NECTIN3: variants seen among roughly 807,000 people sequenced by gnomAD.
NECTIN3 encodes nectin-3.
A neutral mutation model predicts 49.4 loss-of-function variants in NECTIN3; 8 were observed. That is an observed-to-expected ratio of 0.16 (90% CI 0.10 to 0.29). NECTIN3 has a LOEUF of 0.29. Ranked by LOEUF, NECTIN3 falls within the 10% of genes least tolerant of loss-of-function variation. The pLI, the probability that NECTIN3 is intolerant of heterozygous loss-of-function variation, is 1.00. For missense variants in NECTIN3, 581 were observed against 654.6 expected (o/e 0.89, Z 1.23); for synonymous variants, 277 against 241.1 (o/e 1.15, Z -1.38).
At chr3:111,185,313 C>T (rs371984523) in intron 7 of NECTIN3, among the ~76,000 whole-genome samples, 1 of 151,954 alleles carries the variant, frequency 6.6e-6, no homozygotes, top group African/African-American at 2.4e-5. Context: ...AACACATGTG[C>T]GTGTGTGTGT....
intron 1 of NECTIN3, among the ~76,000 whole-genome samples, chr3:111,110,481 T>A (rs977022354): frequency 2.0e-5 from 3 of 152,058 alleles, no homozygotes; most frequent in Non-Finnish European, 2.9e-5. Context: ...AGAATAGTCC[T>A]ACTTGGCTGT....
chr3:111,156,345 A>G lies in NECTIN3; in HGVS notation c.1221+8861A>G, dbSNP rs1050581180. ...AAAATTTTCATTTAGAAACATCTTAAGTTTGAAGACATGTTAGAATGAATT... is the reference window on the plus strand; with the variant it reads ...AAAATTTTCATTTAGAAACATCTTAGGTTTGAAGACATGTTAGAATGAATT... On this transcript the variant is annotated intron_variant, in intron 7 of 8. Coordinates refer to the NECTIN3 transcript ENST00000493615. Among the ~76,000 whole-genome samples, 6 of 151,282 alleles carry G rather than the reference A, an allele frequency of 4.0e-5. 1 individual carries two copies. Among genetic ancestry groups the G allele is most frequent in the African/African-American group, 1.5e-4 (6 of 40,636 alleles).
chr3:111,141,659 G>A (rs1350169207), downstream of NECTIN3, among the ~76,000 whole-genome samples: 1 of 151,742 alleles, frequency 6.6e-6, no homozygotes, highest in East Asian at 1.9e-4. Flanking sequence ...TTCTATTTTT[G>A]GAGGTAAGTT....
chr3:111,075,927 G>T (rs2031162412), intron 1 of NECTIN3, among the ~76,000 whole-genome samples: 1 of 151,998 alleles, frequency 6.6e-6, no homozygotes, highest in Admixed American at 6.6e-5. Context: ...GTTACTGATG[G>T]TATCAGTTGG....
downstream of NECTIN3, among the ~76,000 whole-genome samples, chr3:111,138,024 T>C (rs2034643193): frequency 6.6e-6 from 1 of 151,582 alleles, no homozygotes; most frequent in Non-Finnish European, 1.5e-5. Flanking sequence ...TAAAACCCAT[T>C]TTATATGTTT....
chr3:111,182,820 T>C (rs1473837506), intron 7 of NECTIN3, among the ~76,000 whole-genome samples: 2 of 152,106 alleles, frequency 1.3e-5, no homozygotes, highest in Non-Finnish European at 2.9e-5. Context: ...TGTTTATGTT[T>C]ATTGCCACTT....
Position 111,134,697 on chromosome 3 carries a change from T to C in NECTIN3, c.*482T>C. 1 of 859,158 alleles carries C rather than the reference T, an allele frequency of 1.2e-6. No homozygotes were observed. The highest frequency in any genetic ancestry group is 1.4e-6 in the Non-Finnish European group (1 of 715,236). 53.2% of individuals were successfully genotyped at this position (859,158 alleles called of 1,614,324 possible). A position where few individuals can be genotyped will look rare whatever the true frequency, so the allele number is the denominator to read the frequency against. On this transcript the variant is annotated 3_prime_UTR_variant, in exon 6 of 6. Coordinates refer to ENST00000485303, the MANE Select transcript of NECTIN3 (RefSeq NM_015480.3). ...TTCAAGAAATATTTATATATATTTTTTAATATACAAAAAATATTTAGCCTG... is the reference window on the plus strand; with the variant it reads ...TTCAAGAAATATTTATATATATTTTCTAATATACAAAAAATATTTAGCCTG...
At chr3:111,161,347 G>A (rs532581345) in intron 7 of NECTIN3, among the ~76,000 whole-genome samples, 86 of 152,208 alleles carry the variant, frequency 5.7e-4, no homozygotes, top group African/African-American at 2.0e-3. Context: ...TGCCATGGTT[G>A]GGCCTACAGA....
chr3:111,136,689 A>G lies in NECTIN3; in HGVS notation c.*2474A>G, dbSNP rs199730132. On this transcript the variant is annotated 3_prime_UTR_variant, in exon 6 of 6. Transcript: ENST00000485303. ...TCTACTATCGTGAAAAAAAATGAAT[A>G]TTTGTACTATTTTTGGCCATATTTA... The G allele has an allele frequency of 3.1e-5, 28 of 910,994 alleles. No individual in the cohort carries two copies. In the East Asian group the frequency reaches 7.1e-4, roughly 23 times the overall value. 56.4% of individuals were successfully genotyped at this position (910,994 alleles called of 1,614,324 possible). A position where few individuals can be genotyped will look rare whatever the true frequency, so the allele number is the denominator to read the frequency against.
intron 1 of NECTIN3, among the ~76,000 whole-genome samples, chr3:111,111,075 T>G (rs2033439984): frequency 6.6e-6 from 1 of 152,176 alleles, no homozygotes; most frequent in Admixed American, 6.5e-5. Flanking sequence ...TATTTTGGTT[T>G]ACTTCTTGGT....
At chr3:111,104,774 A>AT (rs58150219) in intron 1 of NECTIN3, among the ~76,000 whole-genome samples, 4 of 152,050 alleles carry the variant, frequency 2.6e-5, no homozygotes, top group Non-Finnish European at 5.9e-5. Context: ...GAAGAGCAGA[A>AT]TTTTTTTTAT....
At chr3:111,119,320 G>T (rs1220533078) in intron 3 of NECTIN3, among the ~76,000 whole-genome samples, 2 of 152,112 alleles carry the variant, frequency 1.3e-5, no homozygotes, top group African/African-American at 4.8e-5. Context: ...TTGTTTCCTT[G>T]TTGTTGGTGT....
intron 1 of NECTIN3, among the ~76,000 whole-genome samples, chr3:111,096,496 A>G (rs185165866): frequency 6.6e-6 from 1 of 152,342 alleles, no homozygotes; most frequent in African/African-American, 2.4e-5. Context: ...GCCAAATGTT[A>G]ATCATCAAGA....
At chr3:111,116,010 G>T (rs900178732) in intron 2 of NECTIN3, among the ~76,000 whole-genome samples, 3 of 152,132 alleles carry the variant, frequency 2.0e-5, no homozygotes, top group Non-Finnish European at 2.9e-5. Context: ...AGGATCTGTA[G>T]GTGGAAATAA....
intron 1 of NECTIN3, among the ~76,000 whole-genome samples, chr3:111,109,868 CAT>C (rs1244963021): frequency 1.3e-5 from 2 of 151,912 alleles, no homozygotes; most frequent in African/African-American, 4.8e-5. Context: ...GGAGAATTGA[CAT>C]GTAAATAAGT....
intron 7 of NECTIN3, among the ~76,000 whole-genome samples, chr3:111,159,793 C>T (rs72937946): frequency 0.065 from 9,854 of 152,198 alleles, 734 homozygotes; most frequent in East Asian, 0.24. Flanking sequence ...ATCTACCTTC[C>T]TTTCAACTTA....
chr3:111,161,910 T>C lies in NECTIN3; in HGVS notation c.1221+14426T>C, dbSNP rs925168605. On this transcript the variant is annotated intron_variant, in intron 7 of 8. Transcript: ENST00000493615. ...AGAATTTCACCTTCATTTAGTGTAG[T>C]CCACCTTTGGGCCTGGATTTCCGTC... 4.6e-5 allele frequency among the ~76,000 whole-genome samples: 7 copies of C among 152,296 alleles called. No homozygotes were observed. The South Asian group carries it at 1.5e-3, about 32-fold the overall frequency.
At chr3:111,116,595 T>C (rs1037873447) in intron 2 of NECTIN3, among the ~76,000 whole-genome samples, 2 of 152,046 alleles carry the variant, frequency 1.3e-5, no homozygotes, top group African/African-American at 4.8e-5. Context: ...ATTTAAGGAA[T>C]GTAGTATTTG....
In NECTIN3 at chr3:111,135,946, T is replaced by A; in HGVS notation, c.*1731T>A. On this transcript the variant is annotated 3_prime_UTR_variant, in exon 6 of 6. Coordinates refer to ENST00000485303, the MANE Select transcript of NECTIN3 (RefSeq NM_015480.3). ...AGATAAATAAAGTTCACTTATATCT[T>A]CTTACAAATGTCTGGGTTTTAATAT... The A allele has an allele frequency of 1.1e-6, 1 of 928,670 alleles. No homozygotes were observed. The highest frequency in any genetic ancestry group is 1.3e-6 in the Non-Finnish European group (1 of 778,836). 57.5% of individuals were successfully genotyped at this position (928,670 alleles called of 1,614,324 possible). A position where few individuals can be genotyped will look rare whatever the true frequency, so the allele number is the denominator to read the frequency against.
Sources: allele counts gnomAD v4.1 joint callset (sites outside exome capture counted in the v4.1 genomes callset), GRCh38; gene constraint gnomAD v4.1.1; transcripts MANE v1.5; gene names NCBI Gene and HGNC (gene_info 2026-07-23, HGNC 2026-07-21).